PCDH17: variants seen among roughly 807,000 people sequenced by gnomAD.
PCDH17 encodes the protein protocadherin 17, also known as protocadherin-17.
In PCDH17, 21 loss-of-function variants were observed where a neutral mutation model predicts 67.7. That is an observed-to-expected ratio of 0.31 (90% confidence interval 0.22 to 0.45). The LOEUF (loss-of-function observed/expected upper bound fraction) is 0.45, where lower values mean the gene tolerates loss of function less well. Ranked by LOEUF, PCDH17 falls within the 20% of genes least tolerant of loss-of-function variation. PCDH17 has a pLI of 1.00. For synonymous variants in PCDH17, 701 were observed against 656.7 expected, an observed-to-expected ratio of 1.07 and a Z score of -1.03; for missense variants, 1,471 against 1,564.8, an observed-to-expected ratio of 0.94 and a Z score of 1.01.
chr13:57,642,146 T>C (rs1954914243), intron 1 of PCDH17, among the ~76,000 whole-genome samples: 1 of 151,806 alleles, frequency 6.6e-6, no homozygotes. Flanking sequence ...TGTAAACTTC[T>C]GTTTGATTCT....
chr13:57,660,881 G>T (rs923124994), intron 1 of PCDH17, among the ~76,000 whole-genome samples: 3 of 152,044 alleles, frequency 2.0e-5, no homozygotes, highest in African/African-American at 7.2e-5. Flanking sequence ...ATTGCTAAAT[G>T]GTATTTTATT....
intron 1 of PCDH17, among the ~76,000 whole-genome samples, chr13:57,647,554 T>G (rs1954979724): frequency 6.6e-6 from 1 of 151,810 alleles, no homozygotes; most frequent in Admixed American, 6.6e-5. Context: ...GGCCTCTGTA[T>G]AGTTGACTTT....
In PCDH17 at chr13:57,674,671, G is replaced by A. The variant is rs1016874557; in HGVS notation, c.2797+7838G>A. Among the ~76,000 whole-genome samples the A allele has an allele frequency of 1.1e-4, 17 of 151,716 alleles. 1 individual carries two copies. Among genetic ancestry groups the A allele is most frequent in the African/African-American group, 3.9e-4 (16 of 41,322 alleles). On this transcript the variant is annotated intron_variant, in intron 3 of 3. Transcript: ENST00000377918. ...AAAATCATGCACTATTATTAAGTAC[G>A]CTTTTATGGAACTAGGAGGGTGCCC...
At position 57,634,997 on chromosome 13, in the gene PCDH17, A is replaced by G. The variant is rs1281903708; in HGVS notation, c.2451A>G (p.Lys817=). ...SSPRSEVMYL[K]PASNNLTVPQ... is the part of the protein sequence containing the mutation. ...CCCGGTCGGAGGTGATGTATCTCAA[A>G]CCGGCCTCCAACAACCTGACTGTCC... The change falls in exon 1 of 4, where the codon AAA becomes AAG. Residue 817 remains lysine, a synonymous_variant. Transcript: ENST00000377918. The surrounding 1 kb of genome is among the most constrained non-coding windows in gnomAD (Gnocchi z 7.8). 1.9e-6 allele frequency: 3 copies of G among 1,613,508 alleles called. No individual in the cohort carries two copies. The highest frequency in any genetic ancestry group is 1.7e-5 in the Admixed American group (1 of 59,964).
chr13:57,714,863 A>C (rs1350014026), intron 3 of PCDH17, among the ~76,000 whole-genome samples: 1 of 151,836 alleles, frequency 6.6e-6, no homozygotes, highest in African/African-American at 2.4e-5. Flanking sequence ...GAAGAAAAAA[A>C]CAAAAGAGAA....
chr13:57,707,754 C>G (rs1955734451), intron 3 of PCDH17, among the ~76,000 whole-genome samples: 1 of 151,976 alleles, frequency 6.6e-6, no homozygotes, highest in African/African-American at 2.4e-5. Flanking sequence ...GGAGAGGACC[C>G]TTCCTTGACT....
At chr13:57,665,756 A>G (rs902501565) in intron 1 of PCDH17, among the ~76,000 whole-genome samples, 16 of 152,210 alleles carry the variant, frequency 1.1e-4, no homozygotes, top group African/African-American at 3.6e-4. Context: ...AGTAAAAACA[A>G]CCGCAAAAAC....
intron 3 of PCDH17, among the ~76,000 whole-genome samples, chr13:57,697,907 T>A (rs916269061): frequency 6.6e-6 from 1 of 151,526 alleles, no homozygotes; most frequent in Non-Finnish European, 1.5e-5. Flanking sequence ...ATTAAATAGA[T>A]CATAATTCTA....
chr13:57,701,463 A>T (rs949750631), intron 3 of PCDH17, among the ~76,000 whole-genome samples: 1 of 152,208 alleles, frequency 6.6e-6, no homozygotes, highest in Non-Finnish European at 1.5e-5. Flanking sequence ...GGCAGAAAAG[A>T]GTAAATACAT....
chr13:57,683,298 G>C (rs1955473438), intron 3 of PCDH17, among the ~76,000 whole-genome samples: 1 of 151,814 alleles, frequency 6.6e-6, no homozygotes, highest in African/African-American at 2.4e-5. Context: ...ACTTCCATCA[G>C]GTTTTAACAA....
At chr13:57,645,852 T>G (rs757940544) in intron 1 of PCDH17, among the ~76,000 whole-genome samples, 15 of 151,370 alleles carry the variant, frequency 9.9e-5, no homozygotes, top group Non-Finnish European at 1.8e-4. Flanking sequence ...TGTCTATTTT[T>G]TAAGGCTTTA....
intron 1 of PCDH17, among the ~76,000 whole-genome samples, chr13:57,636,416 A>G (rs1450726092): frequency 6.6e-6 from 1 of 152,212 alleles, no homozygotes; most frequent in Admixed American, 6.5e-5. Flanking sequence ...GAGCAGTAAT[A>G]TTTCATAATC....
At position 57,634,591 on chromosome 13, in the gene PCDH17, G is replaced by T; in HGVS notation, c.2045G>T (p.Arg682Leu). ...TLSAVAKLII[R>L]SVSGSLPEGV... is the part of the protein sequence containing the mutation. ...TCCGCAGTGGCCAAGCTCATCATCCGCTCGGTGAGCGGATCCCTTCCCGAG... is the reference window on the plus strand; with the variant it reads ...TCCGCAGTGGCCAAGCTCATCATCCTCTCGGTGAGCGGATCCCTTCCCGAG... The change falls in exon 1 of 4, where the codon CGC becomes CTC. Residue 682 changes from arginine (R) to leucine (L), a missense_variant. Physicochemically the swap from Arg to Leu is moderately radical, Grantham distance 102. Coordinates refer to ENST00000377918, the MANE Select transcript of PCDH17 (RefSeq NM_001040429.3). This position sits in a 1 kb window ranked among gnomAD's most constrained non-coding sequence, Gnocchi z 7.8. 1 of 1,613,356 alleles carries T rather than the reference G, an allele frequency of 6.2e-7. No homozygotes were observed. The highest frequency in any genetic ancestry group is 2.2e-5 in the East Asian group (1 of 44,820).
At chr13:57,681,119 C>A (rs1056746546) in intron 3 of PCDH17, among the ~76,000 whole-genome samples, 24 of 151,700 alleles carry the variant, frequency 1.6e-4, no homozygotes, top group African/African-American at 5.6e-4. Context: ...ACCTGAGCAT[C>A]AGAGAACTGA....
chr13:57,644,539 ACATAATTACTATGAGT>A lies in PCDH17; in HGVS notation c.2565+9430_2565+9445del, dbSNP rs1403920971. Among the ~76,000 whole-genome samples, 63 of 151,726 alleles carry A rather than the reference ACATAATTACTATGAGT, an allele frequency of 4.2e-4. No homozygotes were observed. The South Asian group carries it at 6.0e-3, about 14-fold the overall frequency. On this transcript the variant is annotated intron_variant, in intron 1 of 3. Coordinates refer to ENST00000377918, the MANE Select transcript of PCDH17 (RefSeq NM_001040429.3). ...GGCTATTTCTATTAAAAAAAAAGAA[ACATAATTACTATGAGT>A]CTCAGCAGTCTTAGAGTAAATTTTT...
intron 1 of PCDH17, among the ~76,000 whole-genome samples, chr13:57,648,685 T>C (rs1954997978): frequency 6.6e-6 from 1 of 152,042 alleles, no homozygotes; most frequent in Admixed American, 6.6e-5. Flanking sequence ...ATTGTTTTTT[T>C]ATGTGCAAAT....
At chr13:57,688,307 T>C (rs948153830) in intron 3 of PCDH17, among the ~76,000 whole-genome samples, 6 of 150,858 alleles carry the variant, frequency 4.0e-5, no homozygotes, top group Non-Finnish European at 8.9e-5. Context: ...AGTGAGACCC[T>C]GTCTCAAAAA....
intron 3 of PCDH17, among the ~76,000 whole-genome samples, chr13:57,713,552 T>A (rs994851953): frequency 5.9e-5 from 9 of 151,634 alleles, no homozygotes; most frequent in Admixed American, 1.3e-4. Context: ...GTGGTAGGGG[T>A]ATTGTTTGAG....
In PCDH17 at chr13:57,634,472, C is replaced by A; in HGVS notation, c.1926C>A (p.Ser642Arg). 1 of 1,612,884 alleles carries A rather than the reference C, an allele frequency of 6.2e-7. No individual in the cohort carries two copies. Among genetic ancestry groups the A allele is most frequent in the Non-Finnish European group, 8.5e-7 (1 of 1,179,994 alleles). Residue 642 changes from serine (S) to arginine (R), a missense_variant, in exon 1 of 4, where the codon AGC becomes AGA. This residue lies in a region of PCDH17 where 1,163 missense variants were observed against 1,230.0 expected (regional missense o/e 0.95). Coordinates refer to ENST00000377918, the MANE Select transcript of PCDH17 (RefSeq NM_001040429.3). This position sits in a 1 kb window ranked among gnomAD's most constrained non-coding sequence, Gnocchi z 7.8. Reference protein sequence around the residue: ...DDHLFEIDPSSGEIRTLHPFW... With the variant: ...DDHLFEIDPSRGEIRTLHPFW... The stretch of plus-strand genomic sequence containing the variant: ...ACCTGTTTGAGATCGACCCGTCCAG[C>A]GGCGAGATCCGCACGCTGCACCCTT...
Sources: gnomAD v4.1 joint callset for allele counts (sites outside exome capture counted in the v4.1 genomes callset) on GRCh38, gnomAD v4.1.1 for gene constraint, gnomAD v4.1.1 regional missense constraint, Gnocchi (gnomAD v3.1) non-coding constraint, MANE v1.5 for transcripts, NCBI Gene and HGNC (gene_info 2026-07-23, HGNC 2026-07-21) for gene names.